The following NSRP1 variants were observed in gnomAD, a reference collection of about 807,000 sequenced individuals.
NSRP1 encodes the protein nuclear speckle splicing regulatory protein 1.
NSRP1 carries 24 observed loss-of-function variants against 54.7 expected under a neutral mutation model. The ratio of observed to expected loss-of-function variants is 0.44; its 90% confidence interval spans 0.32 to 0.62. The LOEUF (loss-of-function observed/expected upper bound fraction) is 0.62, where lower values mean the gene tolerates loss of function less well. Among genes scored for constraint, NSRP1 ranks in the 20% least tolerant of loss-of-function variants. The probability of loss-of-function intolerance (pLI) is 0.06; values close to 1 mark genes in which losing one functional copy is unlikely to be tolerated. For synonymous variants in NSRP1, 210 were observed against 213.8 expected (o/e 0.98, Z 0.15); for missense variants, 596 against 651.2 (o/e 0.92, Z 0.92).
chr17:30,145,463 G>T (rs960483817), intron 2 of NSRP1, among the ~76,000 whole-genome samples: 2 of 152,080 alleles, frequency 1.3e-5, no homozygotes, highest in African/African-American at 2.4e-5. Context: ...TGCTCCTGTA[G>T]TCCCAGCTAC....
At chr17:30,133,903 T>C (rs1255941296) in intron 2 of NSRP1, among the ~76,000 whole-genome samples, 1 of 152,258 alleles carries the variant, frequency 6.6e-6, no homozygotes, top group Non-Finnish European at 1.5e-5. Context: ...TTTCCTTCCA[T>C]AACTTTTCCT....
intron 2 of NSRP1, among the ~76,000 whole-genome samples, chr17:30,163,560 T>C (rs1904613830): frequency 6.6e-6 from 1 of 152,110 alleles, no homozygotes; most frequent in South Asian, 2.1e-4. Flanking sequence ...GAAGCAAATA[T>C]TAGATTGATT....
At chr17:30,169,138 A>G (rs1304885668) in intron 2 of NSRP1, among the ~76,000 whole-genome samples, 1 of 152,092 alleles carries the variant, frequency 6.6e-6, no homozygotes, top group African/African-American at 2.4e-5. Flanking sequence ...TATAGTCTAC[A>G]TTGGAAAGGC....
chr17:30,172,442 A>C, intron 2 of NSRP1, 100 bp from the exon 3 acceptor site: 6 of 812,932 alleles, frequency 7.4e-6, no homozygotes, highest in Non-Finnish European at 1.1e-5. Flanking sequence ...TCTGAAATAC[A>C]AAACACTTCT....
intron 2 of NSRP1, 109 bp from the exon 3 acceptor site, chr17:30,172,433 C>A: frequency 1.4e-6 from 1 of 712,972 alleles, no homozygotes; most frequent in Non-Finnish European, 2.2e-6. Context: ...TTTTAAAAAT[C>A]TGAAATACAA....
In NSRP1 at chr17:30,177,873, G is replaced by A. The variant is rs545685069; in HGVS notation, c.172-198G>A. 62 of 641,294 alleles carry A rather than the reference G, an allele frequency of 9.7e-5. 1 individual carries two copies. Among genetic ancestry groups the A allele is most frequent in the Middle Eastern group, 8.0e-4 (2 of 2,486 alleles). 39.7% of individuals were successfully genotyped at this position (641,294 alleles called of 1,614,324 possible). ...CAAAAGATTACAAACAAACTTGCCC[G>A]GAGTAATTAGTAAGTGTAGAGCCAG... On this transcript the variant is annotated intron_variant, in intron 3 of 6. Transcript: ENST00000247026.
chr17:30,157,181 T>A (rs1567799874), intron 2 of NSRP1, among the ~76,000 whole-genome samples: 1 of 152,178 alleles, frequency 6.6e-6, no homozygotes, highest in Non-Finnish European at 1.5e-5. Flanking sequence ...TGATAATAGC[T>A]ATTCTAACTG....
intron 2 of NSRP1, chr17:30,150,442 G>A (rs1362095984): frequency 6.6e-6 from 1 of 152,282 alleles, no homozygotes; most frequent in African/African-American, 2.4e-5. Context: ...GAGTGCAGTG[G>A]CGCAATCTCG....
chr17:30,142,319 T>C (rs1036945862), intron 2 of NSRP1, among the ~76,000 whole-genome samples: 1 of 152,180 alleles, frequency 6.6e-6, no homozygotes, highest in African/African-American at 2.4e-5. Flanking sequence ...TTTAAAAATG[T>C]ATTTTATTTT....
intron 5 of NSRP1, among the ~76,000 whole-genome samples, chr17:30,179,671 GAAAAT>G (rs919171660): frequency 3.0e-4 from 46 of 151,850 alleles, no homozygotes; most frequent in African/African-American, 1.1e-3. Flanking sequence ...TTTGGGATGA[GAAAAT>G]AATAGAGTAA....
intron 2 of NSRP1, among the ~76,000 whole-genome samples, chr17:30,167,135 C>A (rs9897630): frequency 6.6e-6 from 1 of 152,106 alleles, no homozygotes; most frequent in East Asian, 1.9e-4. Context: ...TGAGAACATA[C>A]GATATTTATC....
chr17:30,126,729 C>T (rs529464967), intron 2 of NSRP1, among the ~76,000 whole-genome samples: 10 of 152,252 alleles, frequency 6.6e-5, no homozygotes, highest in East Asian at 5.8e-4. Flanking sequence ...CTGGGACCAC[C>T]GGTGCGAGAC....
intron 2 of NSRP1, among the ~76,000 whole-genome samples, chr17:30,156,234 TC>T (rs1385762363): frequency 1.4e-4 from 7 of 50,840 alleles, no homozygotes. Context: ...TTGCAGTAAA[TC>T]CATCAGGAAG....
intron 2 of NSRP1, among the ~76,000 whole-genome samples, chr17:30,142,045 C>G (rs529203624): frequency 3.9e-5 from 6 of 152,240 alleles, no homozygotes; most frequent in Non-Finnish European, 7.4e-5. Context: ...GGGGCATGCT[C>G]TCTTTGATTA....
At chr17:30,154,913 A>C (rs866711685) in intron 2 of NSRP1, among the ~76,000 whole-genome samples, 3 of 152,144 alleles carry the variant, frequency 2.0e-5, no homozygotes, top group African/African-American at 7.2e-5. Flanking sequence ...TGGATTAGGG[A>C]TATTCAGCCT....
chr17:30,166,447 C>T (rs1430765085), intron 2 of NSRP1, among the ~76,000 whole-genome samples: 1 of 152,082 alleles, frequency 6.6e-6, no homozygotes, highest in Non-Finnish European at 1.5e-5. Context: ...CTTGAGTATC[C>T]TTTCTTTTTA....
At chr17:30,145,444 G>A (rs1170255754) in intron 2 of NSRP1, among the ~76,000 whole-genome samples, 2 of 152,258 alleles carry the variant, frequency 1.3e-5, no homozygotes, top group East Asian at 1.9e-4. Flanking sequence ...TTAGCTGGAC[G>A]TGGTGGCGTG....
intron 5 of NSRP1, among the ~76,000 whole-genome samples, chr17:30,179,527 TTTCTC>T (rs1905233825): frequency 6.6e-6 from 1 of 152,240 alleles, no homozygotes; most frequent in African/African-American, 2.4e-5. Context: ...CTACTAGACT[TTTCTC>T]TTAGTTCTCA....
At chr17:30,161,219 G>A (rs1185553506) in intron 2 of NSRP1, among the ~76,000 whole-genome samples, 1 of 152,130 alleles carries the variant, frequency 6.6e-6, no homozygotes, top group East Asian at 1.9e-4. Context: ...TGTGTACATA[G>A]GCTTTCATTT....
Sources: allele counts gnomAD v4.1 joint callset (sites outside exome capture counted in the v4.1 genomes callset), GRCh38; gene constraint gnomAD v4.1.1; transcripts MANE v1.5; gene names NCBI Gene and HGNC (gene_info 2026-07-23, HGNC 2026-07-21).